Variants in NRAP observed in about 807,000 individuals in gnomAD.
NRAP encodes nebulin-related-anchoring protein.
Under a neutral mutation model 225.9 loss-of-function variants are expected in NRAP, and 189 were observed. The ratio of observed to expected loss-of-function variants is 0.84; its 90% CI spans 0.74 to 0.94. NRAP has a LOEUF of 0.94. Ranked by LOEUF, NRAP falls within the 40% of genes least tolerant of loss-of-function variation. The pLI is 0.00. For synonymous variants in NRAP, 769 were observed against 790.7 expected, an observed-to-expected ratio of 0.97 and a Z score of 0.46; for missense variants, 2,176 against 2,168.7, an observed-to-expected ratio of 1.00 and a Z score of -0.07.
intron 24 of NRAP, among the ~76,000 whole-genome samples, chr10:113,621,482 C>T (rs1410266193): frequency 6.6e-6 from 1 of 152,154 alleles, no homozygotes; most frequent in Non-Finnish European, 1.5e-5. Context: ...TGAAAATTAG[C>T]AACCCACCCA....
chr10:113,607,399 C>CAAAAAAAAAAAA (rs543627940), intron 32 of NRAP, among the ~76,000 whole-genome samples: 36 of 68,606 alleles, frequency 5.2e-4, no homozygotes, highest in African/African-American at 6.3e-4. Flanking sequence ...GAAACTCCGT[C>CAAAAAAAAAAAA]AAAAAAAAAA....
intron 32 of NRAP, 29 bp downstream of exon 32, chr10:113,608,385 A>ATG: frequency 7.1e-7 from 1 of 1,402,506 alleles, no homozygotes; most frequent in Non-Finnish European, 1.0e-6. Context: ...TTTTAAAAAG[A>ATG]CCATTCCAAA....
At chr10:113,655,189 T>C (rs1850233074) in intron 4 of NRAP, among the ~76,000 whole-genome samples, 1 of 152,222 alleles carries the variant, frequency 6.6e-6, no homozygotes, top group African/African-American at 2.4e-5. Flanking sequence ...GGTTAGAATG[T>C]TGGGAAACAG....
chr10:113,656,907 T>A (rs534879481), intron 4 of NRAP, among the ~76,000 whole-genome samples: 134 of 152,292 alleles, frequency 8.8e-4, no homozygotes, highest in South Asian at 4.1e-3. Flanking sequence ...GATTTTTTTT[T>A]ATAATAAGAA....
At chr10:113,638,576 C>T (rs181756582) in intron 14 of NRAP, among the ~76,000 whole-genome samples, 1 of 152,222 alleles carries the variant, frequency 6.6e-6, no homozygotes, top group Admixed American at 6.5e-5. Flanking sequence ...ACATCAGAAC[C>T]AGGAAGGTAA....
intron 29 of NRAP, among the ~76,000 whole-genome samples, chr10:113,613,021 T>G (rs1847427216): frequency 6.7e-6 from 1 of 149,248 alleles, no homozygotes. Context: ...GATTCGACTA[T>G]AGTCCTTGGA....
chr10:113,610,161 C>A (rs1847234953), intron 31 of NRAP, among the ~76,000 whole-genome samples: 1 of 151,912 alleles, frequency 6.6e-6, no homozygotes, highest in Non-Finnish European at 1.5e-5. Context: ...ACCAGCCTGG[C>A]CAACATGGTG....
At chr10:113,646,375 A>G (rs914438551) in intron 10 of NRAP, among the ~76,000 whole-genome samples, 2 of 152,192 alleles carry the variant, frequency 1.3e-5, no homozygotes, top group Non-Finnish European at 2.9e-5. Context: ...AAGAAAAGAG[A>G]GTGAAGGAAA....
chr10:113,618,634 G>C (rs1847805776), intron 25 of NRAP, among the ~76,000 whole-genome samples: 1 of 152,214 alleles, frequency 6.6e-6, no homozygotes, highest in Non-Finnish European at 1.5e-5. Flanking sequence ...ACAGTGCCGG[G>C]CATTCTCTCT....
intron 8 of NRAP, 113 bp from the exon 9 acceptor site, chr10:113,650,254 TA>T: frequency 3.7e-6 from 3 of 802,222 alleles, no homozygotes; most frequent in Non-Finnish European, 6.4e-6. Context: ...ATCTAGGGAG[TA>T]GGTATGTCTC....
rs1435899672 is a variant in NRAP, at chr10:113,650,089, G to T, written c.836C>A (p.Ala279Asp). 2 of 1,612,834 alleles carry T rather than the reference G, an allele frequency of 1.2e-6. No individual in the cohort carries two copies. Among genetic ancestry groups the T allele is most frequent in the Non-Finnish European group, 1.7e-6 (2 of 1,178,874 alleles). Residue 279 changes from alanine (A) to aspartate (D), a missense_variant, in exon 9 of 42, where the codon GCC (alanine) becomes GAC (aspartate). By Grantham distance (126) the Ala-to-Asp change is moderately radical. Transcript: ENST00000359988. ...TGTCAAGATGCCCTCAGCTCCAATGGCTGGACCAGCCATTCCCCTCATTTC... is the reference window on the plus strand; with the variant it reads ...TGTCAAGATGCCCTCAGCTCCAATGTCTGGACCAGCCATTCCCCTCATTTC... ...QKEMRGMAGP[A>D]IGAEGILTRE...
chr10:113,643,334 T>C (rs1208627812), intron 11 of NRAP, among the ~76,000 whole-genome samples: 1 of 152,226 alleles, frequency 6.6e-6, no homozygotes, highest in African/African-American at 2.4e-5. Flanking sequence ...ACTCAGGTAG[T>C]TACTCTTGAG....
At chr10:113,659,779 CT>C (rs1447462413) in intron 3 of NRAP, among the ~76,000 whole-genome samples, 1 of 152,150 alleles carries the variant, frequency 6.6e-6, no homozygotes, top group Non-Finnish European at 1.5e-5. Flanking sequence ...GACAAAAAAC[CT>C]GCAAATCTGC....
chr10:113,600,780 T>A (rs946477467), intron 35 of NRAP, among the ~76,000 whole-genome samples: 3 of 152,224 alleles, frequency 2.0e-5, no homozygotes, highest in African/African-American at 4.8e-5. Flanking sequence ...TGGTGCCTTA[T>A]CGCCGCATCC....
Position 113,604,859 on chromosome 10 carries a change from C to T in NRAP, c.3977G>A (p.Arg1326Lys). The change falls in exon 35 of 42, where the codon AGA becomes AAA. Residue 1326 changes from arginine (R) to lysine (K), a missense_variant. Coordinates refer to ENST00000359988, the MANE Select transcript of NRAP (RefSeq NM_198060.4). ...GCAGTGCTGGATCCGGGGGTCGTCT[C>T]TTACACTCTGGGGCCCTATGAGTTT... ...RGKLIGPQSV[R>K]DDPRIQHCRR... The T allele has an allele frequency of 6.2e-7, 1 of 1,614,204 alleles. No homozygotes were observed. The highest frequency in any genetic ancestry group is 8.5e-7 in the Non-Finnish European group (1 of 1,180,038).
In NRAP at chr10:113,589,813, G is replaced by T. The variant is rs1845844352; in HGVS notation, c.4957-16C>A. 1 of 1,611,342 alleles carries T rather than the reference G, an allele frequency of 6.2e-7. No homozygotes were observed. On this transcript the variant is annotated splice_polypyrimidine_tract_variant and intron_variant, in intron 40 of 41. Coordinates refer to ENST00000359988, the MANE Select transcript of NRAP (RefSeq NM_198060.4). ...TATACTTGACCTTGAGGGTAAGAGGGAAGCAAGAGGAATATGTCAGCAGGG... is the reference window on the plus strand; with the variant it reads ...TATACTTGACCTTGAGGGTAAGAGGTAAGCAAGAGGAATATGTCAGCAGGG...
In NRAP at chr10:113,612,254, C is replaced by G. The variant is rs771886920; in HGVS notation, c.3478G>C (p.Ala1160Pro). ...EDLRLSCAKK[A>P]HKLQSENLYR... ...CTTACCTCACTCTGCAATTTGTGAG[C>G]TTTCTTGGCACAGCTCAGCCTCAGG... The change falls in exon 30 of 42, where the codon GCT (alanine) becomes CCT (proline). Residue 1160 changes from alanine (A) to proline (P), a missense_variant. Physicochemically the swap from Ala to Pro is conservative, Grantham distance 27 (BLOSUM62 -1). Transcript: ENST00000359988. 1 of 1,614,000 alleles carries G rather than the reference C, an allele frequency of 6.2e-7. No individual in the cohort carries two copies. The highest frequency in any genetic ancestry group is 1.3e-5 in the African/African-American group (1 of 74,902).
rs1186404672 is a variant in NRAP at position 113,590,799 on chromosome 10, TGAG to T, written c.4732_4734del (p.Leu1578del). The T allele has an allele frequency of 6.2e-7, 1 of 1,614,202 alleles. No homozygotes were observed. Among genetic ancestry groups the T allele is most frequent in the Non-Finnish European group, 8.5e-7 (1 of 1,180,032 alleles). On this transcript the variant is annotated inframe_deletion, in exon 40 of 42. Transcript: ENST00000359988. Reference sequence around the variant, plus strand: ...TTGTCACTCTGGAGCCTGCCAACGTTGAGGAAATGCTTCATCCTTGGGTCATCG... The same window carrying T: ...TTGTCACTCTGGAGCCTGCCAACGTTGAAATGCTTCATCCTTGGGTCATCG...
intron 41 of NRAP, 25 bp downstream of exon 41, chr10:113,589,641 G>A (rs778522668): frequency 1.2e-6 from 2 of 1,605,896 alleles, no homozygotes; most frequent in East Asian, 4.5e-5. Context: ...GCAAGCCAGG[G>A]GTGGCTTTGC....
Sources: allele counts gnomAD v4.1 joint callset (sites outside exome capture counted in the v4.1 genomes callset), GRCh38; gene constraint gnomAD v4.1.1; transcripts MANE v1.5; gene names NCBI Gene and HGNC (gene_info 2026-07-23, HGNC 2026-07-21).